NEMF: variants seen among roughly 807,000 people sequenced by gnomAD.
NEMF encodes ribosome quality control complex subunit NEMF.
NEMF carries 89 observed loss-of-function variants against 162.2 expected under a neutral mutation model. That is an observed-to-expected ratio of 0.55 (90% CI 0.46 to 0.65). NEMF has a LOEUF of 0.65. NEMF is among the 30% of genes least tolerant of loss of function. The pLI, the probability that NEMF is intolerant of heterozygous loss-of-function variation, is 0.00. For missense variants in NEMF, 1,133 were observed against 1,261.9 expected (o/e 0.90, Z 1.55); for synonymous variants, 421 against 404.5 (o/e 1.04, Z -0.49).
intron 16 of NEMF, 87 bp from the exon 17 acceptor site, chr14:49,814,944 T>C: frequency 1.4e-6 from 1 of 739,746 alleles, no homozygotes; most frequent in Admixed American, 3.1e-5. Flanking sequence ...AACAGGAAGC[T>C]ATTTAAGACA....
At chr14:49,795,688 G>C (rs1890660245) in intron 26 of NEMF, 103 bp downstream of exon 26, 10 of 1,049,476 alleles carry the variant, frequency 9.5e-6, no homozygotes, top group Non-Finnish European at 1.4e-6. Flanking sequence ...AATCACACAG[G>C]ATTATTTTTT....
chr14:49,807,392 ATATACC>A lies in NEMF; in HGVS notation c.1745-1265_1745-1260del, dbSNP rs201539395. 9.5e-3 allele frequency among the ~76,000 whole-genome samples: 1,442 copies of A among 152,322 alleles called. 22 individuals carry two copies. Among genetic ancestry groups the A allele is most frequent in the Non-Finnish European group, 0.012 (839 of 68,020 alleles). ...ACACATACCTTTGCTCATCTTGGGT[ATATACC>A]TAAGAGAGGAATTGCTGGGTCAATT... On this transcript the variant is annotated intron_variant, in intron 18 of 32. Transcript: ENST00000298310.
rs367796344 is a variant in NEMF, at chr14:49,782,346, A to G, written c.*2290T>C. ...CCAACTGGTGTTCTGGGTGGCTTCA[A>G]ACTCGTTTTTGTTTTAAATGCAGGT... On this transcript the variant is annotated 3_prime_UTR_variant, in exon 33 of 33. Transcript: ENST00000298310. The G allele has an allele frequency of 1.3e-6, 2 of 1,572,684 alleles. No homozygotes were observed. Among genetic ancestry groups the G allele is most frequent in the African/African-American group, 1.4e-5 (1 of 73,600 alleles).
At chr14:49,835,589 C>G (rs898260070) in intron 6 of NEMF, among the ~76,000 whole-genome samples, 2 of 152,114 alleles carry the variant, frequency 1.3e-5, no homozygotes, top group Admixed American at 1.3e-4. Flanking sequence ...AATATTATCC[C>G]CCTAAGATCA....
intron 5 of NEMF, among the ~76,000 whole-genome samples, chr14:49,840,297 A>T (rs1218100978): frequency 6.6e-6 from 1 of 152,174 alleles, no homozygotes; most frequent in African/African-American, 2.4e-5. Flanking sequence ...CCCCATCTCT[A>T]CTAAAAATAC....
rs1384686215 is a variant in NEMF, at chr14:49,784,144, T to C, written c.*492A>G. 1 of 152,294 alleles carries C rather than the reference T, an allele frequency of 6.6e-6. No homozygotes were observed. The highest frequency in any genetic ancestry group is 1.5e-5 in the Non-Finnish European group (1 of 68,246). The allele number at this position is 152,294 out of a possible 1,614,324, so 9.4% of individuals were successfully genotyped here. ...AGCATTTAACTGTCCACAAATACTT[T>C]AGGAAATCCTATCATAGTGTTTCCT... On this transcript the variant is annotated 3_prime_UTR_variant, in exon 33 of 33. Transcript: ENST00000298310.
At chr14:49,795,626 T>A (rs1472754521) in intron 26 of NEMF, among the ~76,000 whole-genome samples, 165 bp downstream of exon 26, 3 of 152,230 alleles carry the variant, frequency 2.0e-5, no homozygotes, top group Admixed American at 6.5e-5. Context: ...CTAATAGTGA[T>A]CTCTGTGTTC....
In NEMF at chr14:49,784,504, T is replaced by G. The variant is rs1890065184; in HGVS notation, c.*132A>C. 1 of 625,674 alleles carries G rather than the reference T, an allele frequency of 1.6e-6. No individual in the cohort carries two copies. The allele number at this position is 625,674 out of a possible 1,614,324, so 38.8% of individuals were successfully genotyped here. ...GGAAAAAACAAGAAGTAAGTCCTTT[T>G]GGTGAATATAGCAAGGCAATGTTTA... is the stretch of plus-strand genomic sequence containing the variant. On this transcript the variant is annotated 3_prime_UTR_variant, in exon 33 of 33. Transcript: ENST00000298310.
chr14:49,814,217 A>C (rs1262493352), intron 17 of NEMF, among the ~76,000 whole-genome samples, 167 bp from the exon 18 acceptor site: 1 of 151,774 alleles, frequency 6.6e-6, no homozygotes, highest in Non-Finnish European at 1.5e-5. Flanking sequence ...CTCCCACCTC[A>C]GCCTCCCAAG....
At chr14:49,794,901 T>C (rs1182326255) in intron 26 of NEMF, among the ~76,000 whole-genome samples, 2 of 151,884 alleles carry the variant, frequency 1.3e-5, no homozygotes, top group Non-Finnish European at 2.9e-5. Context: ...CTATATTTAG[T>C]AGAGATAGGG....
intron 16 of NEMF, among the ~76,000 whole-genome samples, chr14:49,817,214 A>C (rs527739674): frequency 1.3e-5 from 2 of 152,290 alleles, no homozygotes; most frequent in East Asian, 3.9e-4. Context: ...AGGCCAACGC[A>C]GGCATATCAC....
At position 49,795,837 on chromosome 14, in the gene NEMF, G is replaced by A; in HGVS notation, c.2573C>T (p.Thr858Ile). 1 of 1,613,182 alleles carries A rather than the reference G, an allele frequency of 6.2e-7. No individual in the cohort carries two copies. Among genetic ancestry groups the A allele is most frequent in the Middle Eastern group, 1.6e-4 (1 of 6,062 alleles). ...CTGCACAGCCGCAACATTTTTGCTT[G>A]TGTTCTGATGAGTTTCAATGTGTAC... ...STVHIETHQN[T>I]SKNVAAVQPM... is the part of the protein sequence containing the mutation. The change falls in exon 26 of 33, where the codon ACA (threonine) becomes ATA (isoleucine). Residue 858 changes from threonine (T) to isoleucine (I), a missense_variant. Thr to Ile is a moderately conservative substitution (Grantham distance 89). Transcript: ENST00000298310.
chr14:49,793,988 T>C (rs11849741), intron 26 of NEMF, among the ~76,000 whole-genome samples: 3,324 of 152,282 alleles, frequency 0.022, 140 homozygotes, highest in African/African-American at 0.076. Context: ...TTCACTGTGG[T>C]ACCGTTTTCA....
At chr14:49,829,837 G>A (rs1366953208) in intron 11 of NEMF, among the ~76,000 whole-genome samples, 1 of 152,006 alleles carries the variant, frequency 6.6e-6, no homozygotes, top group East Asian at 1.9e-4. Context: ...TCCAATGTCT[G>A]AGCTCAATCC....
intron 4 of NEMF, among the ~76,000 whole-genome samples, chr14:49,841,411 C>G (rs1201310458): frequency 6.6e-6 from 1 of 150,934 alleles, no homozygotes. Flanking sequence ...CCTGTCTCTA[C>G]TAAAAATACA....
chr14:49,789,133 A>C lies in NEMF; in HGVS notation c.2895+13T>G, dbSNP rs1485974604. ...CCCTAATTAAGAAGCAGAAGCCCAC[A>C]AAGTAGCCATACCTTGTCATCATGT... On this transcript the variant is annotated intron_variant, in intron 28 of 32. Coordinates refer to ENST00000298310, the MANE Select transcript of NEMF (RefSeq NM_004713.6). The C allele has an allele frequency of 6.2e-7, 1 of 1,609,726 alleles. No homozygotes were observed. The highest frequency in any genetic ancestry group is 8.5e-7 in the Non-Finnish European group (1 of 1,176,968).
chr14:49,836,615 C>T (rs1892917650), intron 6 of NEMF, among the ~76,000 whole-genome samples: 1 of 152,010 alleles, frequency 6.6e-6, no homozygotes, highest in African/African-American at 2.4e-5. Flanking sequence ...CACCGCACTT[C>T]AGCCTGGGCA....
chr14:49,813,886 G>C, intron 18 of NEMF, 102 bp downstream of exon 18: 1 of 705,318 alleles, frequency 1.4e-6, no homozygotes, highest in Non-Finnish European at 2.6e-6. Context: ...TTACAGGCAT[G>C]AGCCACCACA....
At chr14:49,844,811 T>C (rs1202410339) in intron 4 of NEMF, 2 of 428,326 alleles carry the variant, frequency 4.7e-6, no homozygotes, top group Admixed American at 4.8e-5. Flanking sequence ...CTCTGTCACC[T>C]GAGCTGGAGT....
Sources: gnomAD v4.1 joint callset for allele counts (sites outside exome capture counted in the v4.1 genomes callset) on GRCh38, gnomAD v4.1.1 for gene constraint, MANE v1.5 for transcripts, NCBI Gene and HGNC (gene_info 2026-07-23, HGNC 2026-07-21) for gene names.